The following EXD3 variants were observed in gnomAD, a reference collection of about 807,000 sequenced individuals.
EXD3 encodes the protein exonuclease mut-7 homolog.
EXD3 carries 92 observed loss-of-function variants against 98.0 expected under a neutral mutation model. The ratio of observed to expected loss-of-function variants is 0.94; its 90% CI spans 0.79 to 1.12. The LOEUF (loss-of-function observed/expected upper bound fraction) is 1.12. Among genes scored for constraint, EXD3 ranks in the 50% most tolerant of loss-of-function variants. The pLI, the probability that EXD3 is intolerant of heterozygous loss-of-function variation, is 0.00. For synonymous variants in EXD3, 569 were observed against 526.0 expected, an observed-to-expected ratio of 1.08 and a Z score of -1.12; for missense variants, 1,222 against 1,191.6, an observed-to-expected ratio of 1.03 and a Z score of -0.38.
chr9:137,403,972 G>C lies in EXD3; in HGVS notation c.-47-8568C>G. ...AGGGCCGTACAAAGCACCACACACA[G>C]GGCGCGAGTGACAGGGACGTGTGTC... On this transcript the variant is annotated intron_variant, in intron 1 of 21. Transcript: ENST00000340951. This position sits in a 1 kb window ranked among gnomAD's most constrained non-coding sequence, Gnocchi z 6.1. Among the ~76,000 whole-genome samples, 1 of 152,054 alleles carries C rather than the reference G, an allele frequency of 6.6e-6. No individual in the cohort carries two copies. The highest frequency in any genetic ancestry group is 1.9e-4 in the East Asian group (1 of 5,166).
chr9:137,323,955 G>C, intron 18 of EXD3, 99 bp from the exon 19 acceptor site: 1 of 1,526,050 alleles, frequency 6.6e-7, no homozygotes, highest in Non-Finnish European at 8.8e-7. Flanking sequence ...GCCTTCTCTC[G>C]GCCCACCAGG....
rs1489146541 is a variant in EXD3 at position 137,373,479 on chromosome 9, A to G, written c.241T>C (p.Ser81Pro). The change falls in exon 4 of 22, where the codon TCC becomes CCC. Residue 81 changes from serine (S) to proline (P), a missense_variant. Coordinates refer to ENST00000340951, the MANE Select transcript of EXD3 (RefSeq NM_017820.5). Reference protein sequence around the residue: ...GEGPSLAAWISHQLQCWLQAQ... With the variant: ...GEGPSLAAWIPHQLQCWLQAQ... ...TGTAGCCAGCACTGCAGCTGGTGGG[A>G]GATCCAGGCCGCCAGGGAGGGGCCC... 1 of 1,609,466 alleles carries G rather than the reference A, an allele frequency of 6.2e-7. No individual in the cohort carries two copies. Among genetic ancestry groups the G allele is most frequent in the Admixed American group, 1.7e-5 (1 of 59,650 alleles).
chr9:137,401,246 C>T (rs1216487490), intron 1 of EXD3, among the ~76,000 whole-genome samples: 5 of 151,514 alleles, frequency 3.3e-5, no homozygotes, highest in South Asian at 2.1e-4. Context: ...CTCCACCTCC[C>T]GGGTTCACAC....
In EXD3 at chr9:137,354,723, G is replaced by A. The variant is rs1199988819; in HGVS notation, c.808C>T (p.Leu270=). The change falls in exon 9 of 22, where the codon CTG becomes TTG. Residue 270 remains leucine, a synonymous_variant. Transcript: ENST00000340951. ...IQQRLAALRH[L]CHKRFVEKSL... ...ACCTCCACAAACCGCTTGTGGCACAGGTGCCGCAGGGCCGCCAGGCGCTGC... is the reference window on the plus strand; with the variant it reads ...ACCTCCACAAACCGCTTGTGGCACAAGTGCCGCAGGGCCGCCAGGCGCTGC... The A allele has an allele frequency of 6.2e-7, 1 of 1,610,904 alleles. No homozygotes were observed. The highest frequency in any genetic ancestry group is 1.3e-5 in the African/African-American group (1 of 75,064).
At chr9:137,359,586 C>T (rs114859141) in intron 7 of EXD3, among the ~76,000 whole-genome samples, 2,192 of 85,258 alleles carry the variant, frequency 0.026, 676 homozygotes, top group African/African-American at 0.067. Context: ...AAGTTTCTCC[C>T]GTGTCCATCT....
rs1270141871 is a variant in EXD3, at chr9:137,371,513, G to A, written c.462+1392C>T. Among the ~76,000 whole-genome samples the A allele has an allele frequency of 1.3e-5, 2 of 152,102 alleles. No individual in the cohort carries two copies. Among genetic ancestry groups the A allele is most frequent in the Non-Finnish European group, 2.9e-5 (2 of 67,978 alleles). ...GGGAAGAGGAACCCAGGGTGCCATC[G>A]GGACGGCGTCTCAGCAGCAGGGTCC... On this transcript the variant is annotated intron_variant, in intron 5 of 21. Coordinates refer to ENST00000340951, the MANE Select transcript of EXD3 (RefSeq NM_017820.5). This position sits in a 1 kb window ranked among gnomAD's most constrained non-coding sequence, Gnocchi z 8.0.
intron 19 of EXD3, 73 bp from the exon 20 acceptor site, chr9:137,309,773 C>T (rs1831267318): frequency 8.8e-7 from 1 of 1,132,146 alleles, no homozygotes; most frequent in East Asian, 2.6e-5. Context: ...CCTCTGCTCG[C>T]TCCTCGAAGC....
chr9:137,367,785 G>C (rs1564517872), intron 6 of EXD3, 151 bp downstream of exon 6: 2 of 679,770 alleles, frequency 2.9e-6, no homozygotes, highest in Non-Finnish European at 5.0e-6. Context: ...TGGTGGTTTA[G>C]GGGGCTCTGG....
chr9:137,389,458 G>A (rs1036122128), intron 2 of EXD3, among the ~76,000 whole-genome samples: 2 of 152,186 alleles, frequency 1.3e-5, no homozygotes, highest in African/African-American at 4.8e-5. Context: ...GGGCCTTGGA[G>A]ACAGAACCTG....
At position 137,307,000 on chromosome 9, in the gene EXD3, T is replaced by C; in HGVS notation, c.2581A>G (p.Ser861Gly). The C allele has an allele frequency of 6.2e-7, 1 of 1,610,256 alleles. No homozygotes were observed. The highest frequency in any genetic ancestry group is 8.5e-7 in the Non-Finnish European group (1 of 1,178,534). ...HFRDMLESAP[S>G]PCEPSPAPSP... ...GGGGCTGGGCTCGGCTCGCAGGGGC[T>C]GGGGGCGCTCTCCAGCATGTCTCGG... The change falls in exon 22 of 22, where the codon AGC becomes GGC. Residue 861 changes from serine (S) to glycine (G), a missense_variant. Transcript: ENST00000340951.
At chr9:137,328,601 A>G (rs113468560) in intron 17 of EXD3, among the ~76,000 whole-genome samples, 2,548 of 22,002 alleles carry the variant, frequency 0.12, 159 homozygotes, top group East Asian at 0.26. Context: ...ACTACACGGG[A>G]CTACACGGGG....
intron 17 of EXD3, among the ~76,000 whole-genome samples, chr9:137,327,941 C>T (rs1564475975): frequency 1.5e-5 from 2 of 132,622 alleles, no homozygotes; most frequent in Non-Finnish European, 3.2e-5. Context: ...CTGAGTAAAA[C>T]AACTAATATA....
chr9:137,339,583 A>G (rs1434653974), intron 17 of EXD3, among the ~76,000 whole-genome samples: 1 of 152,106 alleles, frequency 6.6e-6, no homozygotes, highest in Non-Finnish European at 1.5e-5. Flanking sequence ...AATTTAACCC[A>G]GGAAAGAAAA....
At chr9:137,346,238 CA>C (rs563761495) in intron 17 of EXD3, among the ~76,000 whole-genome samples, 371 of 13,574 alleles carry the variant, frequency 0.027, 1 homozygote, top group African/African-American at 0.081. Context: ...GACTCCGTCT[CA>C]AAAAAAAAAA....
rs558337673 is a variant in EXD3 at position 137,404,973 on chromosome 9, T to A, written c.-47-9569A>T. Among the ~76,000 whole-genome samples, 7 of 152,190 alleles carry A rather than the reference T, an allele frequency of 4.6e-5. No individual in the cohort carries two copies. In the South Asian group the frequency reaches 1.5e-3, roughly 32 times the overall value. On this transcript the variant is annotated intron_variant, in intron 1 of 21. Transcript: ENST00000340951. ...CCCCTACCTATCCCCTCAGAGCTGT[T>A]GCCACAGCCCTCCCAGGTGCTCGAG...
intron 5 of EXD3, among the ~76,000 whole-genome samples, chr9:137,368,271 T>G (rs995957695): frequency 6.6e-6 from 1 of 152,178 alleles, no homozygotes; most frequent in African/African-American, 2.4e-5. Context: ...CCACACAGCC[T>G]GGGTCCCAGG....
At chr9:137,398,416 G>C (rs1430862841) in intron 1 of EXD3, among the ~76,000 whole-genome samples, 1 of 152,188 alleles carries the variant, frequency 6.6e-6, no homozygotes, top group Non-Finnish European at 1.5e-5. Flanking sequence ...CTAGTTCTAA[G>C]GGAGCACCTT....
chr9:137,312,175 G>A (rs1469892248), intron 19 of EXD3, among the ~76,000 whole-genome samples: 1 of 152,182 alleles, frequency 6.6e-6, no homozygotes, highest in African/African-American at 2.4e-5. Flanking sequence ...CCTGAGCAGA[G>A]GTCAAGGCTG....
At chr9:137,344,733 C>T (rs1352436810) in intron 17 of EXD3, among the ~76,000 whole-genome samples, 1 of 150,002 alleles carries the variant, frequency 6.7e-6, no homozygotes, top group African/African-American at 2.5e-5. Context: ...CCCTCCTGCT[C>T]ACATTCTATC....
Sources: gnomAD v4.1 joint callset for allele counts (sites outside exome capture counted in the v4.1 genomes callset) on GRCh38, gnomAD v4.1.1 for gene constraint, Gnocchi (gnomAD v3.1) non-coding constraint, MANE v1.5 for transcripts, NCBI Gene and HGNC (gene_info 2026-07-23, HGNC 2026-07-21) for gene names.